Variants in JAK1 observed in about 807,000 individuals in gnomAD.
JAK1 encodes the protein tyrosine-protein kinase JAK1.
JAK1 carries 16 observed loss-of-function variants against 136.6 expected under a neutral mutation model. The ratio of observed to expected loss-of-function variants is 0.12; its 90% CI spans 0.08 to 0.18. The LOEUF (loss-of-function observed/expected upper bound fraction) is 0.18, where lower values mean the gene tolerates loss of function less well. JAK1 is among the 10% of genes least tolerant of loss of function. JAK1 has a pLI of 1.00. For synonymous variants in JAK1, 492 were observed against 519.5 expected (o/e 0.95, Z 0.72); for missense variants, 859 against 1,450.1 (o/e 0.59, Z 6.62).
At position 65,002,807 on chromosome 1, in the gene JAK1, C is replaced by A. The variant is rs1220609576; in HGVS notation, c.-78+41673G>T. ...TGGCCAGTCTGCGCCTGCCGCAGTT[C>A]CCGCTCGCACCCCGGCCCCTCGCAG... On this transcript the variant is annotated intron_variant, in intron 2 of 25. Transcript: ENST00000671954. Among the ~76,000 whole-genome samples the A allele has an allele frequency of 9.2e-5, 14 of 152,316 alleles. 1 individual carries two copies. Among genetic ancestry groups the A allele is most frequent in the Admixed American group, 7.8e-4 (12 of 15,314 alleles).
At chr1:64,874,372 T>C (rs1391992454) in intron 4 of JAK1, among the ~76,000 whole-genome samples, 2 of 152,160 alleles carry the variant, frequency 1.3e-5, no homozygotes, top group Non-Finnish European at 2.9e-5. Flanking sequence ...CAGAAATTTT[T>C]TTTTTTTAAT....
At chr1:64,897,401 C>A (rs898206993) in intron 1 of JAK1, among the ~76,000 whole-genome samples, 5 of 145,032 alleles carry the variant, frequency 3.4e-5, no homozygotes, top group African/African-American at 1.3e-4. Context: ...CCAGCCTGGG[C>A]AACAGAGCAA....
chr1:65,060,648 G>T (rs1458750137), intron 1 of JAK1, among the ~76,000 whole-genome samples: 2 of 151,978 alleles, frequency 1.3e-5, no homozygotes, highest in African/African-American at 2.4e-5. Flanking sequence ...CTAATAACAA[G>T]CAGCAAATTG....
At chr1:64,891,566 C>A (rs996057860) in intron 1 of JAK1, among the ~76,000 whole-genome samples, 5 of 152,150 alleles carry the variant, frequency 3.3e-5, no homozygotes, top group African/African-American at 1.2e-4. Flanking sequence ...GAACAGGAAG[C>A]CTCCTAACAG....
At chr1:64,905,900 A>G (rs537547161) in intron 1 of JAK1, among the ~76,000 whole-genome samples, 1 of 152,228 alleles carries the variant, frequency 6.6e-6, no homozygotes, top group African/African-American at 2.4e-5. Flanking sequence ...CAGTCTCCAA[A>G]TGTCGGTGGC....
At chr1:64,895,638 T>C (rs1203265438) in intron 1 of JAK1, among the ~76,000 whole-genome samples, 1 of 152,184 alleles carries the variant, frequency 6.6e-6, no homozygotes, top group African/African-American at 2.4e-5. Context: ...CTGAGACCCA[T>C]ACAACGCATA....
chr1:64,889,801 TG>T (rs1407544929), intron 1 of JAK1, among the ~76,000 whole-genome samples: 9 of 152,188 alleles, frequency 5.9e-5, no homozygotes, highest in Admixed American at 2.0e-4. Flanking sequence ...TTTTGGATAG[TG>T]GACAAGGAAA....
At chr1:65,028,396 TC>T (rs1336762056) in intron 2 of JAK1, among the ~76,000 whole-genome samples, 1 of 149,056 alleles carries the variant, frequency 6.7e-6, no homozygotes, top group Admixed American at 6.9e-5. Context: ...TGCTGTTCTA[TC>T]CCTAGCACCC....
chr1:64,960,320 C>T lies in JAK1; in HGVS notation c.-78+6013G>A, dbSNP rs372919418. Among the ~76,000 whole-genome samples, 29 of 152,338 alleles carry T rather than the reference C, an allele frequency of 1.9e-4. 1 individual carries two copies. The East Asian group carries it at 4.4e-3, about 23-fold the overall frequency. ...AAGCATAGTCATTCAACCCTCAAAA[C>T]AACCTCAGAGGTAGGTACTGTCTTT... On this transcript the variant is annotated intron_variant, in intron 1 of 24. Transcript: ENST00000342505.
At chr1:64,908,541 T>C (rs1557682258) in intron 1 of JAK1, among the ~76,000 whole-genome samples, 1 of 152,164 alleles carries the variant, frequency 6.6e-6, no homozygotes, top group South Asian at 2.1e-4. Flanking sequence ...TGGGAGAAGG[T>C]CCCAAAAACC....
At position 64,984,257 on chromosome 1, in the gene JAK1, T is replaced by C. The variant is rs920055267; in HGVS notation, c.-78+60223A>G. Among the ~76,000 whole-genome samples, 1 of 152,166 alleles carries C rather than the reference T, an allele frequency of 6.6e-6. No individual in the cohort carries two copies. Among genetic ancestry groups the C allele is most frequent in the African/African-American group, 2.4e-5 (1 of 41,434 alleles). Reference sequence around the variant, plus strand: ...CAGTGTGTGTGTATCTGCTTCCTGGTAAGTCTGCGGTTGGGGGAACTGCAC... The same window carrying C: ...CAGTGTGTGTGTATCTGCTTCCTGGCAAGTCTGCGGTTGGGGGAACTGCAC... On this transcript the variant is annotated intron_variant, in intron 2 of 25. Coordinates refer to the JAK1 transcript ENST00000671954. This position sits in a 1 kb window ranked among gnomAD's most constrained non-coding sequence, Gnocchi z 4.1.
chr1:64,890,925 T>A (rs1644925997), intron 1 of JAK1, among the ~76,000 whole-genome samples: 1 of 152,206 alleles, frequency 6.6e-6, no homozygotes, highest in Non-Finnish European at 1.5e-5. Flanking sequence ...GACTAGCTAT[T>A]GTAATCTTAG....
intron 1 of JAK1, among the ~76,000 whole-genome samples, chr1:64,905,591 C>T (rs184626848): frequency 6.6e-6 from 1 of 151,888 alleles, no homozygotes; most frequent in Admixed American, 6.6e-5. Flanking sequence ...GTCTTCACTC[C>T]CTTAAATCCC....
intron 15 of JAK1, among the ~76,000 whole-genome samples, chr1:64,845,183 C>T (rs577453692): frequency 6.6e-6 from 1 of 152,334 alleles, no homozygotes; most frequent in East Asian, 1.9e-4. Context: ...GCACTCCACA[C>T]GTCAGCTACT....
At position 64,866,974 on chromosome 1, in the gene JAK1, T is replaced by G; in HGVS notation, c.882A>C (p.Ser294=). The G allele has an allele frequency of 6.2e-7, 1 of 1,614,236 alleles. No homozygotes were observed. Among genetic ancestry groups the G allele is most frequent in the Non-Finnish European group, 8.5e-7 (1 of 1,180,022 alleles). ...GAAACCAATTCATCTCATTTTCTGA[T>G]GAAATCAGTAACATGGAAGTCTCAA... ...EIFETSMLLI[S]SENEMNWFHS... The change falls in exon 7 of 25, where the codon TCA becomes TCC. Residue 294 remains serine, a synonymous_variant. Coordinates refer to ENST00000342505, the MANE Select transcript of JAK1 (RefSeq NM_002227.4).
intron 2 of JAK1, among the ~76,000 whole-genome samples, chr1:65,024,920 T>C (rs1275294532): frequency 6.6e-6 from 1 of 152,032 alleles, no homozygotes; most frequent in African/African-American, 2.4e-5. Flanking sequence ...GAGGATGCAG[T>C]GAGCCGAGAT....
chr1:65,046,425 C>T (rs536451511), intron 1 of JAK1, among the ~76,000 whole-genome samples: 1 of 152,226 alleles, frequency 6.6e-6, no homozygotes, highest in African/African-American at 2.4e-5. Flanking sequence ...ACAAGAGACA[C>T]CCACTGAGGA....
At chr1:65,049,878 G>GATATC (rs1647238825) in intron 1 of JAK1, among the ~76,000 whole-genome samples, 1 of 152,160 alleles carries the variant, frequency 6.6e-6, no homozygotes, top group South Asian at 2.1e-4. Flanking sequence ...AGACAATCAT[G>GATATC]ATGTCAAATT....
chr1:65,002,838 C>T (rs1646772317), intron 2 of JAK1, among the ~76,000 whole-genome samples: 2 of 152,180 alleles, frequency 1.3e-5, no homozygotes, highest in South Asian at 2.1e-4. Context: ...CGCAGAGTCC[C>T]AGGAAAGCGC....
Sources: gnomAD v4.1 joint callset for allele counts (sites outside exome capture counted in the v4.1 genomes callset) on GRCh38, gnomAD v4.1.1 for gene constraint, Gnocchi (gnomAD v3.1) non-coding constraint, MANE v1.5 for transcripts, NCBI Gene and HGNC (gene_info 2026-07-23, HGNC 2026-07-21) for gene names.